The following RBFOX1 variants were observed in gnomAD, a reference collection of about 807,000 sequenced individuals.
RBFOX1 encodes the protein RNA binding protein fox-1 homolog 1.
RBFOX1 carries 8 observed loss-of-function variants against 57.7 expected under a neutral mutation model. That is an observed-to-expected ratio of 0.14 (90% confidence interval 0.08 to 0.25). The LOEUF is 0.25. Among genes scored for constraint, RBFOX1 ranks in the 10% least tolerant of loss-of-function variants. RBFOX1 has a pLI of 1.00. For synonymous variants in RBFOX1, 326 were observed against 222.4 expected, an observed-to-expected ratio of 1.47 and a Z score of -4.15; for missense variants, 611 against 548.5, an observed-to-expected ratio of 1.11 and a Z score of -1.14.
At chr16:7,259,323 C>G (rs1264930319) in intron 4 of RBFOX1, among the ~76,000 whole-genome samples, 1 of 152,182 alleles carries the variant, frequency 6.6e-6, no homozygotes, top group Non-Finnish European at 1.5e-5. Flanking sequence ...CTCTCAGGCA[C>G]ACACATGCAA....
At chr16:6,854,031 G>C (rs1603632583) in intron 3 of RBFOX1, among the ~76,000 whole-genome samples, 1 of 152,148 alleles carries the variant, frequency 6.6e-6, no homozygotes, top group African/African-American at 2.4e-5. Flanking sequence ...AGGAAGGACA[G>C]ACCTCAGGCA....
At chr16:7,379,796 CCCTGCCTG>C (rs1388008804) in intron 4 of RBFOX1, among the ~76,000 whole-genome samples, 1 of 150,122 alleles carries the variant, frequency 6.7e-6, no homozygotes, top group Non-Finnish European at 1.5e-5. Context: ...CTGCCTGCCT[CCCTGCCTG>C]CCTGCCTCCC....
chr16:6,854,390 T>C (rs1050930213), intron 3 of RBFOX1, among the ~76,000 whole-genome samples: 2 of 151,952 alleles, frequency 1.3e-5, no homozygotes, highest in African/African-American at 4.8e-5. Context: ...AAAGCTTATC[T>C]AAGGAATATT....
chr16:5,281,661 C>G (rs913071650), intron 1 of RBFOX1, among the ~76,000 whole-genome samples: 2 of 152,074 alleles, frequency 1.3e-5, no homozygotes, highest in Non-Finnish European at 2.9e-5. Context: ...TGAATTGATC[C>G]CTTTATTACC....
intron 4 of RBFOX1, among the ~76,000 whole-genome samples, chr16:7,412,245 T>C (rs1461084991): frequency 1.3e-5 from 2 of 151,334 alleles, no homozygotes; most frequent in Non-Finnish European, 2.9e-5. Flanking sequence ...TGAAACCCCA[T>C]CTCTACTAAA....
intron 3 of RBFOX1, among the ~76,000 whole-genome samples, chr16:6,832,590 G>A (rs142105657): frequency 3.4e-4 from 52 of 152,262 alleles, no homozygotes; most frequent in African/African-American, 1.2e-3. Flanking sequence ...AGCCGCAGAC[G>A]GAAAGTGAAG....
chr16:6,253,978 A>G (rs1488863172), intron 1 of RBFOX1, among the ~76,000 whole-genome samples: 2 of 152,148 alleles, frequency 1.3e-5, no homozygotes, highest in Non-Finnish European at 2.9e-5. Context: ...GAACTCTTAT[A>G]AAGAACCAGG....
At chr16:6,324,178 A>T (rs34766116) in intron 2 of RBFOX1, among the ~76,000 whole-genome samples, 1 of 126,704 alleles carries the variant, frequency 7.9e-6, no homozygotes, top group Non-Finnish European at 1.5e-5. Flanking sequence ...TCCATAGTTC[A>T]TGCTCTGTGT....
intron 3 of RBFOX1, among the ~76,000 whole-genome samples, chr16:5,712,190 C>T (rs976210782): frequency 6.6e-5 from 10 of 152,166 alleles, no homozygotes; most frequent in Non-Finnish European, 1.5e-4. Context: ...AATCACCTTC[C>T]ACCAGGTCCC....
intron 2 of RBFOX1, among the ~76,000 whole-genome samples, chr16:5,485,967 A>G (rs1391950577): frequency 1.3e-5 from 2 of 152,234 alleles, no homozygotes; most frequent in Admixed American, 6.5e-5. Context: ...GTGAGAATCA[A>G]GAGGCAGGCT....
chr16:5,920,666 G>C (rs539401195), intron 4 of RBFOX1, among the ~76,000 whole-genome samples: 1 of 152,162 alleles, frequency 6.6e-6, no homozygotes, highest in African/African-American at 2.4e-5. Context: ...GGGCAGCGGG[G>C]AGACCAGGAG....
chr16:6,815,249 A>G (rs1315651004), intron 3 of RBFOX1, among the ~76,000 whole-genome samples: 2 of 152,090 alleles, frequency 1.3e-5, no homozygotes, highest in Non-Finnish European at 2.9e-5. Context: ...TCTCATTGCC[A>G]TCTTGGTTTT....
At chr16:7,567,163 C>T (rs867938812) in intron 5 of RBFOX1, among the ~76,000 whole-genome samples, 91 of 141,950 alleles carry the variant, frequency 6.4e-4, no homozygotes, top group African/African-American at 2.2e-3. Context: ...ATATATATAT[C>T]CATATATATA....
At chr16:7,239,251 C>T (rs778065231) in intron 4 of RBFOX1, among the ~76,000 whole-genome samples, 17 of 152,132 alleles carry the variant, frequency 1.1e-4, no homozygotes, top group Non-Finnish European at 2.5e-4. Flanking sequence ...GTAATCCCAG[C>T]AATTTAGGAG....
At chr16:6,795,738 C>G (rs1452911364) in intron 3 of RBFOX1, among the ~76,000 whole-genome samples, 2 of 151,200 alleles carry the variant, frequency 1.3e-5, no homozygotes, top group Non-Finnish European at 2.9e-5. Context: ...TGCACTCTAG[C>G]CTGGGTGACA....
chr16:6,460,577 A>G (rs769662475), intron 2 of RBFOX1, among the ~76,000 whole-genome samples: 1 of 152,202 alleles, frequency 6.6e-6, no homozygotes, highest in African/African-American at 2.4e-5. Flanking sequence ...AATGGCGATT[A>G]TTAAAAAGTT....
At chr16:7,046,106 A>T (rs1021485775) in intron 3 of RBFOX1, among the ~76,000 whole-genome samples, 1 of 147,318 alleles carries the variant, frequency 6.8e-6, no homozygotes, top group Admixed American at 6.7e-5. Context: ...TTTGAAAACT[A>T]CAGAAAGCAT....
intron 3 of RBFOX1, among the ~76,000 whole-genome samples, chr16:7,018,482 G>A (rs1409891832): frequency 6.6e-6 from 1 of 152,100 alleles, no homozygotes; most frequent in Non-Finnish European, 1.5e-5. Context: ...TATCATTGAT[G>A]GACATTTGGA....
intron 14 of RBFOX1, among the ~76,000 whole-genome samples, chr16:7,702,381 C>G (rs1990299): frequency 0.98 from 149,123 of 152,290 alleles, 73,085 homozygotes; most frequent in Middle Eastern, 1. Flanking sequence ...GAGGGGACCT[C>G]TCTGCAGTTG....
Sources: gnomAD v4.1 joint callset for allele counts (sites outside exome capture counted in the v4.1 genomes callset) on GRCh38, gnomAD v4.1.1 for gene constraint, MANE v1.5 for transcripts, NCBI Gene and HGNC (gene_info 2026-07-23, HGNC 2026-07-21) for gene names.